SLC9A8: variants seen among roughly 807,000 people sequenced by gnomAD.
SLC9A8 encodes solute carrier family 9 member A8.
A neutral mutation model predicts 66.6 loss-of-function variants in SLC9A8; 48 were observed. The observed-to-expected ratio is 0.72, with a 90% CI of 0.57 to 0.92. The LOEUF is 0.92. Ranked by LOEUF, SLC9A8 falls within the 40% of genes least tolerant of loss-of-function variation. The probability of loss-of-function intolerance (pLI) is 0.00; values close to 1 mark genes in which losing one functional copy is unlikely to be tolerated. For missense variants in SLC9A8, 599 were observed against 747.3 expected (o/e 0.80, Z 2.31); for synonymous variants, 274 against 282.6 (o/e 0.97, Z 0.31).
rs1298798910 is a variant in SLC9A8 at position 49,834,346 on chromosome 20, T to C, written c.290-5195T>C. Among the ~76,000 whole-genome samples the C allele has an allele frequency of 4.8e-4, 36 of 75,652 alleles. 2 individuals are homozygous for C. Among genetic ancestry groups the C allele is most frequent in the African/African-American group, 6.8e-4 (10 of 14,744 alleles). 49.6% of individuals were successfully genotyped at this position (75,652 alleles called of 152,430 possible). On this transcript the variant is annotated intron_variant, in intron 3 of 15. Transcript: ENST00000361573. ...TATATATACTGTGTATATATATATA[T>C]ACTGTATATATATATATACTGTGTA...
At chr20:49,853,681 A>G (rs541985977) in intron 7 of SLC9A8, among the ~76,000 whole-genome samples, 1 of 152,280 alleles carries the variant, frequency 6.6e-6, no homozygotes, top group East Asian at 1.9e-4. Context: ...GCCTTCTGCA[A>G]GTGTCTCTGG....
At chr20:49,862,885 G>C in intron 8 of SLC9A8, 44 bp from the exon 9 acceptor site, 1 of 1,465,226 alleles carries the variant, frequency 6.8e-7, no homozygotes, top group Middle Eastern at 1.7e-4. Flanking sequence ...AGAACTTTGT[G>C]TATATAACAT....
chr20:49,853,847 G>T (rs969471074), intron 7 of SLC9A8, among the ~76,000 whole-genome samples: 1 of 152,160 alleles, frequency 6.6e-6, no homozygotes, highest in East Asian at 1.9e-4. Flanking sequence ...GGGTTAATGC[G>T]CATGAGTCAC....
chr20:49,821,028 G>A (rs2086721295), intron 2 of SLC9A8, among the ~76,000 whole-genome samples: 1 of 152,054 alleles, frequency 6.6e-6, no homozygotes, highest in Non-Finnish European at 1.5e-5. Context: ...ATTGTGGATA[G>A]TACACCTTTA....
chr20:49,850,955 T>C, intron 7 of SLC9A8, 111 bp downstream of exon 7: 2 of 689,758 alleles, frequency 2.9e-6, no homozygotes, highest in South Asian at 3.1e-5. Flanking sequence ...TGTGTATTTA[T>C]TTTTGGTAAG....
At chr20:49,842,059 A>ATTTTT (rs201138846) in intron 4 of SLC9A8, among the ~76,000 whole-genome samples, 1 of 142,372 alleles carries the variant, frequency 7.0e-6, no homozygotes, top group Non-Finnish European at 1.5e-5. Flanking sequence ...ATTTTATTTT[A>ATTTTT]TTTTTTTTTT....
intron 11 of SLC9A8, among the ~76,000 whole-genome samples, chr20:49,875,503 G>A (rs1238335824): frequency 1.3e-5 from 2 of 152,122 alleles, no homozygotes; most frequent in African/African-American, 4.8e-5. Flanking sequence ...GGGACAGTTC[G>A]CAGTAGAGGT....
intron 3 of SLC9A8, among the ~76,000 whole-genome samples, chr20:49,833,030 C>T (rs896130638): frequency 2.6e-5 from 4 of 152,062 alleles, no homozygotes; most frequent in Non-Finnish European, 4.4e-5. Context: ...CTCAGCCTCC[C>T]AAGTAGCTGG....
chr20:49,828,451 C>T (rs555748689), intron 3 of SLC9A8, among the ~76,000 whole-genome samples: 4 of 151,112 alleles, frequency 2.6e-5, no homozygotes, highest in Middle Eastern at 3.4e-3. Flanking sequence ...CTTGAACTCC[C>T]GACCTCAGGT....
chr20:49,852,340 A>G (rs919744542), intron 7 of SLC9A8, among the ~76,000 whole-genome samples: 7 of 152,200 alleles, frequency 4.6e-5, no homozygotes, highest in African/African-American at 1.4e-4. Flanking sequence ...AGATTTTTAT[A>G]GGGAATTTTC....
chr20:49,839,834 T>A (rs2087690830), intron 4 of SLC9A8, among the ~76,000 whole-genome samples: 1 of 152,188 alleles, frequency 6.6e-6, no homozygotes, highest in African/African-American at 2.4e-5. Flanking sequence ...TTTTTGTTAT[T>A]ATACTTGCAT....
intron 3 of SLC9A8, chr20:49,829,829 G>C (rs1180246414): frequency 1.8e-6 from 1 of 561,176 alleles, no homozygotes; most frequent in Non-Finnish European, 3.6e-6. Flanking sequence ...CAGCCTGTCT[G>C]AAGGAAAAGT....
Position 49,848,490 on chromosome 20 carries a change from T to C in SLC9A8, c.433-1089T>C, listed in dbSNP as rs149960682. Among the ~76,000 whole-genome samples, 448 of 152,290 alleles carry C rather than the reference T, an allele frequency of 2.9e-3. 14 individuals carry two copies. In the East Asian group the frequency reaches 0.058, roughly 20 times the overall value. Reference sequence around the variant, plus strand: ...GGCTTTAAAATAGCAGGTCTTGATGTCCATGGTTTGGTGATTTCTGAGCTA... The same window carrying C: ...GGCTTTAAAATAGCAGGTCTTGATGCCCATGGTTTGGTGATTTCTGAGCTA... On this transcript the variant is annotated intron_variant, in intron 5 of 15. Coordinates refer to ENST00000361573, the MANE Select transcript of SLC9A8 (RefSeq NM_015266.3).
chr20:49,868,762 C>T (rs770496549), intron 10 of SLC9A8, among the ~76,000 whole-genome samples: 19 of 152,300 alleles, frequency 1.2e-4, no homozygotes, highest in Non-Finnish European at 2.1e-4. Flanking sequence ...GCCAGCCTGA[C>T]GCCTTTGCTG....
chr20:49,813,523 TTAAC>T (rs2086435814), intron 1 of SLC9A8, among the ~76,000 whole-genome samples: 1 of 152,320 alleles, frequency 6.6e-6, no homozygotes, highest in Non-Finnish European at 1.5e-5. Flanking sequence ...TCGTGATTAA[TTAAC>T]GTTATTTGTG....
chr20:49,887,567 A>C, intron 15 of SLC9A8, among the ~76,000 whole-genome samples: 1 of 152,148 alleles, frequency 6.6e-6, no homozygotes, highest in East Asian at 1.9e-4. Flanking sequence ...AGCAGAGCTA[A>C]CTGTGTCTGA....
At position 49,886,619 on chromosome 20, in the gene SLC9A8, G is replaced by A. The variant is rs1057513704; in HGVS notation, c.1492-133G>A. On this transcript the variant is annotated intron_variant, in intron 14 of 15. Coordinates refer to ENST00000361573, the MANE Select transcript of SLC9A8 (RefSeq NM_015266.3). The surrounding 1 kb of genome is among the most constrained non-coding windows in gnomAD (Gnocchi z 4.8). ...GCTCCCAGGAGGCCGTCTGCTGCCC[G>A]TCACCCTGCATTGATGGTCAAGTGG... 13 of 1,089,028 alleles carry A rather than the reference G, an allele frequency of 1.2e-5. No individual in the cohort carries two copies. Among genetic ancestry groups the A allele is most frequent in the Middle Eastern group, 3.1e-4 (1 of 3,228 alleles). 67.5% of individuals were successfully genotyped at this position (1,089,028 alleles called of 1,614,324 possible).
rs2087113062 is a variant in SLC9A8 at position 49,830,128 on chromosome 20, AG to A, written c.289+6989del. The A allele has an allele frequency of 3.9e-5, 29 of 742,894 alleles. 1 individual carries two copies. The highest frequency in any genetic ancestry group is 3.5e-4 in the South Asian group (26 of 74,374). 46.0% of individuals were successfully genotyped at this position (742,894 alleles called of 1,614,324 possible). On this transcript the variant is annotated intron_variant, in intron 3 of 15. Transcript: ENST00000361573. The stretch of plus-strand genomic sequence containing the variant: ...AAACAAGCCATCTCTGTCTGTTACC[AG>A]GCAATCACAAAGAAGTTGAAAATAT...
At chr20:49,871,488 T>G (rs1382894194) in intron 10 of SLC9A8, among the ~76,000 whole-genome samples, 1 of 152,364 alleles carries the variant, frequency 6.6e-6, no homozygotes, top group South Asian at 2.1e-4. Context: ...GCGTATTTTT[T>G]CAAATACCAT....
Sources: gnomAD v4.1 joint callset for allele counts (sites outside exome capture counted in the v4.1 genomes callset) on GRCh38, gnomAD v4.1.1 for gene constraint, Gnocchi (gnomAD v3.1) non-coding constraint, MANE v1.5 for transcripts, NCBI Gene and HGNC (gene_info 2026-07-23, HGNC 2026-07-21) for gene names.